Variants in MLLT11 observed in about 807,000 individuals in gnomAD.
MLLT11 encodes MLLT11 transcription factor 7 cofactor.
Under a neutral mutation model 5.3 loss-of-function variants are expected in MLLT11, and 1 was observed. That is an observed-to-expected ratio of 0.19 (90% confidence interval 0.07 to 0.89). The LOEUF (loss-of-function observed/expected upper bound fraction) is 0.89, where lower values mean the gene tolerates loss of function less well. MLLT11 is among the 40% of genes least tolerant of loss of function. The pLI is 0.67. For synonymous variants in MLLT11, 38 were observed against 41.7 expected, an observed-to-expected ratio of 0.91 and a Z score of 0.34; for missense variants, 87 against 107.3, an observed-to-expected ratio of 0.81 and a Z score of 0.83.
chr1:151,065,214 A>AT (rs1553258142), intron 1 of MLLT11, among the ~76,000 whole-genome samples: 1 of 152,172 alleles, frequency 6.6e-6, no homozygotes. Flanking sequence ...AATGCCACAT[A>AT]TGCTTGCATG....
intron 1 of MLLT11, among the ~76,000 whole-genome samples, chr1:151,061,394 G>A (rs587722776): frequency 5.9e-5 from 9 of 152,288 alleles, no homozygotes; most frequent in Admixed American, 4.6e-4. Flanking sequence ...AAGGATATTT[G>A]GGCGTGTCTG....
At chr1:151,064,013 T>TTTAC (rs1314485731) in intron 1 of MLLT11, among the ~76,000 whole-genome samples, 2 of 108,952 alleles carry the variant, frequency 1.8e-5, no homozygotes, top group Non-Finnish European at 4.1e-5. Context: ...AAGTTATTTA[T>TTTAC]TTATTTATTT....
At chr1:151,065,094 T>C (rs587645022) in intron 1 of MLLT11, among the ~76,000 whole-genome samples, 2 of 152,318 alleles carry the variant, frequency 1.3e-5, no homozygotes, top group South Asian at 4.1e-4. Context: ...TATTTGATAA[T>C]TAAATCCATA....
intron 1 of MLLT11, 85 bp from the exon 2 acceptor site, chr1:151,067,134 G>T: frequency 1.8e-6 from 2 of 1,138,460 alleles, no homozygotes; most frequent in Non-Finnish European, 2.5e-6. Context: ...CTTTTTACCA[G>T]TATGTGGAGT....
At position 151,067,239 on chromosome 1, in the gene MLLT11, G is replaced by A; in HGVS notation, c.15G>A (p.Val5=). 1 of 1,613,934 alleles carries A rather than the reference G, an allele frequency of 6.2e-7. No individual in the cohort carries two copies. Among genetic ancestry groups the A allele is most frequent in the Admixed American group, 1.7e-5 (1 of 59,976 alleles). MRDP[V]SSQYSSFLFW... ...TCTAGGAAGCTATGAGGGACCCTGT[G>A]AGTAGCCAGTACAGTTCCTTTCTTT... is the stretch of plus-strand genomic sequence containing the variant. Residue 5 remains valine, a synonymous_variant, in exon 2 of 2, where the codon GTG becomes GTA. Coordinates refer to ENST00000368921, the MANE Select transcript of MLLT11 (RefSeq NM_006818.4).
intron 1 of MLLT11, among the ~76,000 whole-genome samples, chr1:151,062,751 G>T (rs900871676): frequency 2.6e-5 from 4 of 152,108 alleles, no homozygotes; most frequent in African/African-American, 9.7e-5. Flanking sequence ...ATAGAGAAAA[G>T]AACCCAGCTA....
intron 1 of MLLT11, among the ~76,000 whole-genome samples, chr1:151,061,149 G>C (rs1488076850): frequency 1.3e-5 from 2 of 152,166 alleles, no homozygotes; most frequent in African/African-American, 4.8e-5. Flanking sequence ...GCCCACAGGA[G>C]CTAGGTATGG....
At chr1:151,064,262 G>A (rs1024697250) in intron 1 of MLLT11, among the ~76,000 whole-genome samples, 1 of 151,942 alleles carries the variant, frequency 6.6e-6, no homozygotes, top group Admixed American at 6.6e-5. Context: ...CTCCTGATCT[G>A]CCTGCCTCGG....
chr1:151,065,824 G>GT (rs992897902), intron 1 of MLLT11, among the ~76,000 whole-genome samples: 1 of 152,024 alleles, frequency 6.6e-6, no homozygotes, highest in Non-Finnish European at 1.5e-5. Flanking sequence ...TAGACTTGGA[G>GT]TTTTTTGTTT....
intron 1 of MLLT11, among the ~76,000 whole-genome samples, chr1:151,065,441 T>G (rs920225050): frequency 6.6e-6 from 1 of 152,242 alleles, no homozygotes; most frequent in African/African-American, 2.4e-5. Flanking sequence ...CTTTTTGTTT[T>G]TCTCAGATTC....
rs587723928 is a variant in MLLT11 at position 151,069,353 on chromosome 1, C to T, written c.*1856C>T. On this transcript the variant is annotated 3_prime_UTR_variant, in exon 2 of 2. Transcript: ENST00000368921. ...GGTGGGAGAAAAAAAGACAAATCCTCCCTCTAGGCCATGAAAAGCCCACAT... is the reference window on the plus strand; with the variant it reads ...GGTGGGAGAAAAAAAGACAAATCCTTCCTCTAGGCCATGAAAAGCCCACAT... 6.6e-5 allele frequency among the ~76,000 whole-genome samples: 10 copies of T among 152,238 alleles called. No homozygotes were observed. The highest frequency in any genetic ancestry group is 3.9e-4 in the Admixed American group (6 of 15,280).
chr1:151,064,091 G>A (rs929381335), intron 1 of MLLT11, among the ~76,000 whole-genome samples: 3 of 151,606 alleles, frequency 2.0e-5, no homozygotes, highest in Non-Finnish European at 2.9e-5. Flanking sequence ...GCGAGATCTC[G>A]GCTCACTGCA....
intron 1 of MLLT11, among the ~76,000 whole-genome samples, chr1:151,062,364 ATTT>A (rs587651455): frequency 2.9e-5 from 4 of 136,410 alleles, no homozygotes; most frequent in African/African-American, 5.3e-5. Flanking sequence ...CCATGATTCT[ATTT>A]TTTTTTTTTT....
chr1:151,067,306 G>A lies in MLLT11; in HGVS notation c.82G>A (p.Glu28Lys), dbSNP rs1479006055. The A allele has an allele frequency of 6.2e-6, 10 of 1,613,978 alleles. No homozygotes were observed. The highest frequency in any genetic ancestry group is 8.5e-6 in the Non-Finnish European group (10 of 1,180,034). The change falls in exon 2 of 2, where the codon GAA (glutamate) becomes AAA (lysine). Residue 28 changes from glutamate to lysine, a missense_variant. Glu to Lys is a moderately conservative substitution (Grantham distance 56). Coordinates refer to ENST00000368921, the MANE Select transcript of MLLT11 (RefSeq NM_006818.4). Reference sequence around the variant, plus strand: ...CCCAGAACTGGATCTGTCGGAGCTGGAAGGCCTGGGTCTGTCAGATACAGC... The same window carrying A: ...CCCAGAACTGGATCTGTCGGAGCTGAAAGGCCTGGGTCTGTCAGATACAGC... ...PIPELDLSEL[E>K]GLGLSDTATY...
intron 1 of MLLT11, among the ~76,000 whole-genome samples, chr1:151,066,855 G>T (rs1676481627): frequency 6.6e-6 from 1 of 151,992 alleles, no homozygotes; most frequent in South Asian, 2.1e-4. Flanking sequence ...AGCCCAGGAG[G>T]TGGAGCTTGC....
At chr1:151,064,549 C>T (rs1676450166) in intron 1 of MLLT11, among the ~76,000 whole-genome samples, 1 of 152,184 alleles carries the variant, frequency 6.6e-6, no homozygotes. Flanking sequence ...GGTATGGGGA[C>T]AGATTCTGGA....
In MLLT11 at chr1:151,061,242, G is replaced by A. The variant is rs145882083; in HGVS notation, c.-7+689G>A. Among the ~76,000 whole-genome samples, 4 of 152,184 alleles carry A rather than the reference G, an allele frequency of 2.6e-5. No homozygotes were observed. The East Asian group carries it at 7.7e-4, about 29-fold the overall frequency. ...GTAGGAAAATCCAAGCTCTGACTGA[G>A]GCACACATTATGAGATGTCAGAGAG... On this transcript the variant is annotated intron_variant, in intron 1 of 1. Coordinates refer to ENST00000368921, the MANE Select transcript of MLLT11 (RefSeq NM_006818.4).
Position 151,065,060 on chromosome 1 carries a change from A to G in MLLT11, c.-6-2159A>G, listed in dbSNP as rs587656822. 9.2e-5 allele frequency among the ~76,000 whole-genome samples: 14 copies of G among 152,316 alleles called. 1 individual carries two copies. The East Asian group carries it at 2.7e-3, about 29-fold the overall frequency. On this transcript the variant is annotated intron_variant, in intron 1 of 1. Coordinates refer to ENST00000368921, the MANE Select transcript of MLLT11 (RefSeq NM_006818.4). ...AGGGGAAGGGGAAGCTAGCCAAAAA[A>G]GGGGTCTTTTGCAAAATTTGGAGTA...
intron 1 of MLLT11, among the ~76,000 whole-genome samples, chr1:151,062,966 A>C (rs76926154): frequency 1.2e-4 from 18 of 152,306 alleles, no homozygotes; most frequent in Admixed American, 2.6e-4. Context: ...TGAGTATCAT[A>C]GGATGATGAC....
Sources: gnomAD v4.1 joint callset for allele counts (sites outside exome capture counted in the v4.1 genomes callset) on GRCh38, gnomAD v4.1.1 for gene constraint, MANE v1.5 for transcripts, NCBI Gene and HGNC (gene_info 2026-07-23, HGNC 2026-07-21) for gene names.